Variants in MAML3 observed in about 807,000 individuals in gnomAD.
The protein encoded by MAML3 is mastermind-like protein 3.
MAML3 carries 27 observed loss-of-function variants against 101.9 expected under a neutral mutation model. The observed-to-expected ratio is 0.27, with a 90% confidence interval of 0.20 to 0.37. MAML3 has a LOEUF of 0.37. Among genes scored for constraint, MAML3 ranks in the 10% least tolerant of loss-of-function variants. The pLI, the probability that MAML3 is intolerant of heterozygous loss-of-function variation, is 1.00. For missense variants in MAML3, 1,316 were observed against 1,444.9 expected, an observed-to-expected ratio of 0.91 and a Z score of 1.45; for synonymous variants, 501 against 555.9, an observed-to-expected ratio of 0.90 and a Z score of 1.39.
intron 2 of MAML3, among the ~76,000 whole-genome samples, chr4:139,762,331 T>G (rs1729774013): frequency 6.6e-6 from 1 of 152,032 alleles, no homozygotes; most frequent in African/African-American, 2.4e-5. Context: ...CTTCCTAAGG[T>G]GCTATATGTA....
chr4:140,059,135 T>C (rs1464649034), intron 1 of MAML3, among the ~76,000 whole-genome samples: 1 of 152,196 alleles, frequency 6.6e-6, no homozygotes, highest in African/African-American at 2.4e-5. Context: ...TTTACTTTCA[T>C]TTAAAAAAAA....
chr4:140,029,987 C>G (rs759399792), intron 1 of MAML3, among the ~76,000 whole-genome samples: 3 of 152,132 alleles, frequency 2.0e-5, no homozygotes, highest in Non-Finnish European at 2.9e-5. Context: ...CACATCCACA[C>G]TATTTTCATT....
chr4:139,827,225 G>GA (rs982010915), intron 2 of MAML3, among the ~76,000 whole-genome samples: 1 of 152,102 alleles, frequency 6.6e-6, no homozygotes, highest in African/African-American at 2.4e-5. Context: ...AAGAGTGACA[G>GA]AAAAAACGGC....
chr4:139,938,516 C>T (rs948135579), intron 1 of MAML3, among the ~76,000 whole-genome samples: 5 of 152,146 alleles, frequency 3.3e-5, no homozygotes, highest in African/African-American at 4.8e-5. Context: ...AATACCCATA[C>T]GATGTCAGCA....
At chr4:140,103,969 A>G (rs1416932909) in intron 1 of MAML3, among the ~76,000 whole-genome samples, 1 of 152,200 alleles carries the variant, frequency 6.6e-6, no homozygotes, top group Non-Finnish European at 1.5e-5. Flanking sequence ...CCTATTGTTC[A>G]GGAAATGACT....
chr4:139,860,952 C>T lies in MAML3; in HGVS notation c.2079+28405G>A, dbSNP rs532181953. Among the ~76,000 whole-genome samples the T allele has an allele frequency of 2.0e-5, 3 of 152,098 alleles. No homozygotes were observed. The East Asian group carries it at 5.8e-4, about 29-fold the overall frequency. On this transcript the variant is annotated intron_variant, in intron 2 of 4. Coordinates refer to ENST00000509479, the MANE Select transcript of MAML3 (RefSeq NM_018717.5). ...CCCCAGTGTTGAGGTATTGTAGGTA[C>T]TCAGTGTTTTTAAACTCAGGCAGTT...
chr4:140,132,799 T>G (rs1728817816), intron 1 of MAML3, among the ~76,000 whole-genome samples: 1 of 152,230 alleles, frequency 6.6e-6, no homozygotes, highest in South Asian at 2.1e-4. Flanking sequence ...CATATTTTCT[T>G]GTATTGTTCT....
chr4:140,134,282 A>G (rs1248112232), intron 1 of MAML3: 4 of 456,668 alleles, frequency 8.8e-6, no homozygotes, highest in Non-Finnish European at 1.3e-5. Flanking sequence ...AGGAAAGGAA[A>G]GGTTGAAAGG....
chr4:140,099,229 T>TCACA (rs57140878), intron 1 of MAML3, among the ~76,000 whole-genome samples: 7,154 of 147,078 alleles, frequency 0.049, 211 homozygotes, highest in African/African-American at 0.09. Flanking sequence ...TGGAAGTATA[T>TCACA]CACACACACA....
At chr4:140,128,906 C>T (rs1364997534) in intron 1 of MAML3, among the ~76,000 whole-genome samples, 1 of 152,170 alleles carries the variant, frequency 6.6e-6, no homozygotes, top group Non-Finnish European at 1.5e-5. Flanking sequence ...CAAGATTTCC[C>T]TTCCATCACG....
At chr4:140,128,556 A>T (rs1728722785) in intron 1 of MAML3, among the ~76,000 whole-genome samples, 1 of 152,144 alleles carries the variant, frequency 6.6e-6, no homozygotes. Flanking sequence ...CAGCAGGAGT[A>T]TCCTTCTAAC....
In MAML3 at chr4:139,890,435, T is replaced by C. The variant is rs1364574038; in HGVS notation, c.1001A>G (p.Glu334Gly). ...DIQDLFNEDF[E>G]EKKEPEFSQP... ...CGAGAATTCTGGCTCCTTCTTCTCT[T>C]CAAAGTCTTCGTTGAACAGGTCCTG... Residue 334 changes from glutamate to glycine, a missense_variant, in exon 2 of 5, where the codon GAA (glutamate) becomes GGA (glycine). Coordinates refer to ENST00000509479, the MANE Select transcript of MAML3 (RefSeq NM_018717.5). This position sits in a 1 kb window ranked among gnomAD's most constrained non-coding sequence, Gnocchi z 4.1. 6.2e-7 allele frequency: 1 copy of C among 1,609,540 alleles called. No individual in the cohort carries two copies. Among genetic ancestry groups the C allele is most frequent in the Non-Finnish European group, 8.5e-7 (1 of 1,176,444 alleles).
intron 1 of MAML3, among the ~76,000 whole-genome samples, chr4:139,971,952 C>T (rs1560853340): frequency 6.6e-6 from 1 of 152,212 alleles, no homozygotes; most frequent in Non-Finnish European, 1.5e-5. Context: ...CCCATTTTAG[C>T]TTGTAAATTC....
chr4:139,957,274 T>C (rs545190876), intron 1 of MAML3, among the ~76,000 whole-genome samples: 3 of 152,342 alleles, frequency 2.0e-5, no homozygotes, highest in African/African-American at 7.2e-5. Context: ...CTTACTCCAT[T>C]TTACAGGTGA....
intron 2 of MAML3, among the ~76,000 whole-genome samples, chr4:139,828,715 T>C (rs985969497): frequency 1.6e-4 from 18 of 113,456 alleles, no homozygotes; most frequent in Admixed American, 2.8e-4. Context: ...TGCACTTCTT[T>C]TTTTTTTTTT....
Position 139,946,917 on chromosome 4 carries a change from ACACACACACTCT to A in MAML3, c.469-55962_469-55951del, listed in dbSNP as rs1298175637. On this transcript the variant is annotated intron_variant, in intron 1 of 4. Coordinates refer to ENST00000509479, the MANE Select transcript of MAML3 (RefSeq NM_018717.5). The stretch of plus-strand genomic sequence containing the variant: ...CACACACACACACACACACACACAC[ACACACACACTCT>A]CTCTCTCTCTCTCTCTCTCTCTCTT... Among the ~76,000 whole-genome samples, 111 of 141,268 alleles carry A rather than the reference ACACACACACTCT, an allele frequency of 7.9e-4. 1 individual carries two copies. The highest frequency in any genetic ancestry group is 2.2e-3 in the African/African-American group (77 of 34,898). The allele number at this position is 141,268 out of a possible 152,430, so 92.7% of individuals were successfully genotyped here.
intron 1 of MAML3, among the ~76,000 whole-genome samples, chr4:139,950,619 A>G (rs538959282): frequency 6.6e-6 from 1 of 152,310 alleles, no homozygotes; most frequent in South Asian, 2.1e-4. Context: ...ACTTTCCATT[A>G]CAGCACACAA....
At chr4:139,993,351 CAAAA>C (rs36164698) in intron 1 of MAML3, among the ~76,000 whole-genome samples, 5 of 127,400 alleles carry the variant, frequency 3.9e-5, no homozygotes, top group Non-Finnish European at 3.4e-5. Context: ...GACTCCATCT[CAAAA>C]AAAAAAAAAA....
intron 1 of MAML3, among the ~76,000 whole-genome samples, chr4:140,112,839 G>C (rs949360639): frequency 2.6e-5 from 4 of 152,168 alleles, no homozygotes; most frequent in African/African-American, 9.7e-5. Context: ...ATAGTAATCT[G>C]TGACTCATCT....
Sources: gnomAD v4.1 joint callset for allele counts (sites outside exome capture counted in the v4.1 genomes callset) on GRCh38, gnomAD v4.1.1 for gene constraint, Gnocchi (gnomAD v3.1) non-coding constraint, MANE v1.5 for transcripts, NCBI Gene and HGNC (gene_info 2026-07-23, HGNC 2026-07-21) for gene names.